The following INPP5A variants were observed in gnomAD, a reference collection of about 807,000 sequenced individuals.
The protein encoded by INPP5A is inositol polyphosphate-5-phosphatase A.
Under a neutral mutation model 65.2 loss-of-function variants are expected in INPP5A, and 14 were observed. That is an observed-to-expected ratio of 0.21 (90% confidence interval 0.14 to 0.34). The LOEUF is 0.34. Among genes scored for constraint, INPP5A ranks in the 10% least tolerant of loss-of-function variants. The pLI, the probability that INPP5A is intolerant of heterozygous loss-of-function variation, is 1.00. For missense variants in INPP5A, 431 were observed against 545.6 expected (o/e 0.79, Z 2.09); for synonymous variants, 207 against 208.3 (o/e 0.99, Z 0.05).
At chr10:132,656,722 G>A (rs192243646) in intron 4 of INPP5A, among the ~76,000 whole-genome samples, 1 of 152,200 alleles carries the variant, frequency 6.6e-6, no homozygotes, top group South Asian at 2.1e-4. Flanking sequence ...GGGTTGCCCC[G>A]GGCTCCTGAG....
chr10:132,761,056 T>C (rs1846724084), intron 11 of INPP5A, among the ~76,000 whole-genome samples: 1 of 152,240 alleles, frequency 6.6e-6, no homozygotes, highest in African/African-American at 2.4e-5. Context: ...CCAGGCTCTT[T>C]GGATTCTTAG....
At position 132,762,862 on chromosome 10, in the gene INPP5A, G is replaced by A. The variant is rs549084368; in HGVS notation, c.904-2911G>A. Reference sequence around the variant, plus strand: ...AGACTTAGCAGGAGTGGTGGCACACGCCTGTAATTCCATCTGCTCGGGAGG... The same window carrying A: ...AGACTTAGCAGGAGTGGTGGCACACACCTGTAATTCCATCTGCTCGGGAGG... On this transcript the variant is annotated intron_variant, in intron 11 of 15. Coordinates refer to ENST00000368594, the MANE Select transcript of INPP5A (RefSeq NM_005539.5). This position sits in a 1 kb window ranked among gnomAD's most constrained non-coding sequence, Gnocchi z 4.6. 4.8e-4 allele frequency among the ~76,000 whole-genome samples: 73 copies of A among 152,224 alleles called. No individual in the cohort carries two copies. The highest frequency in any genetic ancestry group is 5.4e-4 in the Non-Finnish European group (37 of 68,022).
intron 4 of INPP5A, among the ~76,000 whole-genome samples, chr10:132,681,463 C>T (rs2073043475): frequency 6.6e-6 from 1 of 152,210 alleles, no homozygotes. Context: ...AAACTCCGAA[C>T]ACATCTGAAC....
intron 11 of INPP5A, among the ~76,000 whole-genome samples, chr10:132,752,545 G>T (rs1026845772): frequency 1.4e-5 from 2 of 145,380 alleles, no homozygotes; most frequent in Admixed American, 1.4e-4. Flanking sequence ...GTGGAGGGGC[G>T]TGGCGAGGAG....
chr10:132,548,993 A>G (rs979170136), intron 1 of INPP5A, among the ~76,000 whole-genome samples: 40 of 151,784 alleles, frequency 2.6e-4, no homozygotes, highest in African/African-American at 8.2e-4. Flanking sequence ...GGGTCTCGCT[A>G]TGTTGCCCAG....
At chr10:132,567,920 C>T (rs1274423115) in intron 1 of INPP5A, among the ~76,000 whole-genome samples, 1 of 152,092 alleles carries the variant, frequency 6.6e-6, no homozygotes, top group Non-Finnish European at 1.5e-5. Flanking sequence ...AGGCCGGGCG[C>T]GGTGGCTCAC....
At chr10:132,730,124 C>T (rs1281130693) in intron 9 of INPP5A, among the ~76,000 whole-genome samples, 1 of 152,226 alleles carries the variant, frequency 6.6e-6, no homozygotes, top group Admixed American at 6.5e-5. Context: ...TCTCAGTTCC[C>T]CCACAGTAGC....
rs3793666 is a variant in INPP5A, at chr10:132,704,150, C to T, written c.475-4163C>T. Among the ~76,000 whole-genome samples, 33 of 152,102 alleles carry T rather than the reference C, an allele frequency of 2.2e-4. 1 individual carries two copies. The East Asian group carries it at 6.3e-3, about 29-fold the overall frequency. ...CCCAGTCCCCCCAGACAGGAGGTGT[C>T]GAGGCACGGAAGATGAGCTGCTGGT... is the stretch of plus-strand genomic sequence containing the variant. On this transcript the variant is annotated intron_variant, in intron 6 of 15. Transcript: ENST00000368594. This position sits in a 1 kb window ranked among gnomAD's most constrained non-coding sequence, Gnocchi z 4.5.
chr10:132,673,840 G>A (rs901835138), intron 4 of INPP5A, among the ~76,000 whole-genome samples: 7 of 152,240 alleles, frequency 4.6e-5, no homozygotes, highest in Non-Finnish European at 5.9e-5. Context: ...CAGGTAGCTG[G>A]CTGACCACTC....
intron 9 of INPP5A, among the ~76,000 whole-genome samples, chr10:132,743,497 G>A (rs1387026146): frequency 6.6e-6 from 1 of 152,264 alleles, no homozygotes; most frequent in Non-Finnish European, 1.5e-5. Context: ...GCGAACCCTG[G>A]AGGGCCGGAC....
intron 2 of INPP5A, among the ~76,000 whole-genome samples, chr10:132,641,005 C>T (rs1179807106): frequency 1.3e-5 from 2 of 152,250 alleles, no homozygotes; most frequent in African/African-American, 2.4e-5. Flanking sequence ...GAGGCATGTA[C>T]TCTGTTCACC....
At chr10:132,604,635 G>A (rs1245976049) in intron 1 of INPP5A, among the ~76,000 whole-genome samples, 1 of 152,236 alleles carries the variant, frequency 6.6e-6, no homozygotes, top group Admixed American at 6.5e-5. Context: ...ACTGTGGTCT[G>A]TGGGGCTGCA....
chr10:132,725,015 C>CA (rs1238799241), intron 8 of INPP5A, among the ~76,000 whole-genome samples: 1 of 141,922 alleles, frequency 7.0e-6, no homozygotes, highest in Non-Finnish European at 1.5e-5. Context: ...CCAGAACTCA[C>CA]GGGGGGCCCC....
At chr10:132,770,244 A>G (rs1393883879) in intron 12 of INPP5A, among the ~76,000 whole-genome samples, 1 of 152,146 alleles carries the variant, frequency 6.6e-6, no homozygotes, top group African/African-American at 2.4e-5. Flanking sequence ...ACCCACCCCC[A>G]GGTCAGCCTC....
chr10:132,749,607 C>T lies in INPP5A; in HGVS notation c.823C>T (p.Arg275Trp), dbSNP rs200837473. The T allele has an allele frequency of 8.1e-6, 13 of 1,612,742 alleles. No individual in the cohort carries two copies. Among genetic ancestry groups the T allele is most frequent in the African/African-American group, 2.7e-5 (2 of 74,926 alleles). The change falls in exon 10 of 16, where the codon CGG becomes TGG. Residue 275 changes from arginine to tryptophan, a missense_variant. Physicochemically the swap from Arg to Trp is moderately radical, Grantham distance 101. Coordinates refer to ENST00000368594, the MANE Select transcript of INPP5A (RefSeq NM_005539.5). Reference sequence around the variant, plus strand: ...CATATTTCGTGAGTCGGACAACGACCGGAAGGTGAGCGGGGCCTGTGACTG... The same window carrying T: ...CATATTTCGTGAGTCGGACAACGACTGGAAGGTGAGCGGGGCCTGTGACTG... ...KLIFRESDNDRKVMLQLEKKL... is the reference protein window; with the variant it reads ...KLIFRESDNDWKVMLQLEKKL...
Position 132,538,965 on chromosome 10 carries a change from C to T in INPP5A, c.75+794C>T, listed in dbSNP as rs898372857. Among the ~76,000 whole-genome samples the T allele has an allele frequency of 6.6e-6, 1 of 152,158 alleles. No homozygotes were observed. Among genetic ancestry groups the T allele is most frequent in the African/African-American group, 2.4e-5 (1 of 41,428 alleles). Reference sequence around the variant, plus strand: ...TATGGCCCTGAACACTTGTCCTTGACCCCTGAACCTGGAACCCTGGTTCCA... The same window carrying T: ...TATGGCCCTGAACACTTGTCCTTGATCCCTGAACCTGGAACCCTGGTTCCA... On this transcript the variant is annotated intron_variant, in intron 1 of 15. Coordinates refer to ENST00000368594, the MANE Select transcript of INPP5A (RefSeq NM_005539.5). The surrounding 1 kb of genome is among the most constrained non-coding windows in gnomAD (Gnocchi z 4.1).
At chr10:132,713,035 C>G (rs574050130) in intron 8 of INPP5A, among the ~76,000 whole-genome samples, 1 of 148,052 alleles carries the variant, frequency 6.8e-6, no homozygotes, top group Non-Finnish European at 1.5e-5. Context: ...TGTATGTGTG[C>G]GTGTGTGTGG....
intron 4 of INPP5A, among the ~76,000 whole-genome samples, chr10:132,653,520 G>A (rs2072609027): frequency 6.6e-6 from 1 of 152,156 alleles, no homozygotes; most frequent in Admixed American, 6.5e-5. Context: ...CCCTGGCCCT[G>A]GGTGGTTCCA....
intron 4 of INPP5A, among the ~76,000 whole-genome samples, chr10:132,680,322 G>A (rs963462650): frequency 5.3e-5 from 8 of 152,364 alleles, no homozygotes; most frequent in Non-Finnish European, 7.3e-5. Flanking sequence ...CAAGGACGGC[G>A]TGGAGACGGC....
Sources: gnomAD v4.1 joint callset for allele counts (sites outside exome capture counted in the v4.1 genomes callset) on GRCh38, gnomAD v4.1.1 for gene constraint, Gnocchi (gnomAD v3.1) non-coding constraint, MANE v1.5 for transcripts, NCBI Gene and HGNC (gene_info 2026-07-23, HGNC 2026-07-21) for gene names.